The following FLI1 variants were observed in gnomAD, a reference collection of about 807,000 sequenced individuals.
FLI1 encodes Friend leukemia integration 1 transcription factor.
In FLI1, 13 loss-of-function variants were observed where a neutral mutation model predicts 53.1. The ratio of observed to expected loss-of-function variants is 0.24; its 90% CI spans 0.16 to 0.39. FLI1 has a LOEUF of 0.39. Ranked by LOEUF, FLI1 falls within the 10% of genes least tolerant of loss-of-function variation. The pLI is 1.00. For synonymous variants in FLI1, 244 were observed against 236.7 expected (o/e 1.03, Z -0.28); for missense variants, 424 against 600.5 (o/e 0.71, Z 3.07).
chr11:128,693,763 A>G (rs1198158109), upstream of FLI1: 2 of 233,018 alleles, frequency 8.6e-6, no homozygotes, highest in Admixed American at 5.6e-5. Context: ...GCTAGCTCTT[A>G]TCTCCCAGGA....
chr11:128,719,612 A>C (rs1196942969), intron 1 of FLI1, among the ~76,000 whole-genome samples: 2 of 152,136 alleles, frequency 1.3e-5, no homozygotes, highest in Non-Finnish European at 2.9e-5. Flanking sequence ...ACGGAGACTT[A>C]CTGCAAATTT....
At chr11:128,709,118 C>A (rs559326906) in intron 1 of FLI1, among the ~76,000 whole-genome samples, 1 of 152,124 alleles carries the variant, frequency 6.6e-6, no homozygotes, top group Non-Finnish European at 1.5e-5. Context: ...GTGTGGTCTT[C>A]GGTCAGATAA....
chr11:128,770,391 G>A (rs1222761801), intron 3 of FLI1, among the ~76,000 whole-genome samples: 1 of 152,182 alleles, frequency 6.6e-6, no homozygotes, highest in Non-Finnish European at 1.5e-5. Context: ...AGTCTCATTT[G>A]GGCAAGTCCA....
At chr11:128,755,712 T>G (rs1380249539) in intron 1 of FLI1, among the ~76,000 whole-genome samples, 1 of 152,150 alleles carries the variant, frequency 6.6e-6, no homozygotes, top group Non-Finnish European at 1.5e-5. Context: ...GGGCATCTGG[T>G]AGAAAATGAA....
intron 1 of FLI1, among the ~76,000 whole-genome samples, chr11:128,724,968 C>T (rs944997831): frequency 5.3e-5 from 8 of 152,150 alleles, no homozygotes; most frequent in Non-Finnish European, 7.3e-5. Flanking sequence ...GCATAAAAGC[C>T]ACCCAGAATG....
upstream of FLI1, among the ~76,000 whole-genome samples, chr11:128,685,708 C>CAAAA (rs5795633): frequency 2.1e-4 from 12 of 57,618 alleles, 4 homozygotes; most frequent in African/African-American, 2.4e-4. Flanking sequence ...CTTGAGGAGC[C>CAAAA]AAAAAAAAAA....
intron 2 of FLI1, among the ~76,000 whole-genome samples, chr11:128,760,319 C>T (rs888148260): frequency 1.4e-4 from 22 of 152,050 alleles, no homozygotes; most frequent in Admixed American, 3.3e-4. Flanking sequence ...CGAACCCAGG[C>T]GTTTGGTTCC....
At chr11:128,700,545 T>C (rs1001604714) in intron 1 of FLI1, among the ~76,000 whole-genome samples, 14 of 152,276 alleles carry the variant, frequency 9.2e-5, no homozygotes, top group African/African-American at 3.1e-4. Context: ...AAAGACTGAA[T>C]TGAACTAGAC....
intron 3 of FLI1, among the ~76,000 whole-genome samples, chr11:128,769,610 C>G (rs79089197): frequency 0.018 from 2,709 of 152,212 alleles, 42 homozygotes; most frequent in Middle Eastern, 0.048. Flanking sequence ...AAGAGTGAGG[C>G]AGCAGACGGG....
At chr11:128,745,939 T>C (rs1380804327) in intron 1 of FLI1, among the ~76,000 whole-genome samples, 1 of 152,230 alleles carries the variant, frequency 6.6e-6, no homozygotes, top group Non-Finnish European at 1.5e-5. Flanking sequence ...GATAAGATCA[T>C]AGCTTCTAGG....
chr11:128,711,524 G>T (rs1401238725), intron 1 of FLI1, among the ~76,000 whole-genome samples: 2 of 152,112 alleles, frequency 1.3e-5, no homozygotes, highest in East Asian at 3.8e-4. Flanking sequence ...ATCAAATGAG[G>T]GCATTTGGAA....
At chr11:128,754,284 T>A (rs1940776642) in intron 1 of FLI1, among the ~76,000 whole-genome samples, 1 of 149,832 alleles carries the variant, frequency 6.7e-6, no homozygotes. Flanking sequence ...TGTGCACATA[T>A]GCATACCCAA....
At chr11:128,762,539 T>C (rs1941162207) in intron 2 of FLI1, among the ~76,000 whole-genome samples, 1 of 152,268 alleles carries the variant, frequency 6.6e-6, no homozygotes, top group Non-Finnish European at 1.5e-5. Flanking sequence ...ATTGATTATT[T>C]ATTATGCTGA....
intron 1 of FLI1, among the ~76,000 whole-genome samples, chr11:128,734,952 A>G (rs1480837383): frequency 1.3e-5 from 2 of 152,244 alleles, no homozygotes; most frequent in Non-Finnish European, 2.9e-5. Flanking sequence ...CAAAGAATGC[A>G]GCTGAGAAAG....
At chr11:128,760,562 C>G (rs1013502856) in intron 2 of FLI1, among the ~76,000 whole-genome samples, 1 of 125,786 alleles carries the variant, frequency 8.0e-6, no homozygotes, top group Non-Finnish European at 1.6e-5. Context: ...GAGTCTCACT[C>G]TGTTGCCCAG....
chr11:128,767,930 G>A (rs1341629081), intron 2 of FLI1, among the ~76,000 whole-genome samples, 188 bp from the exon 3 acceptor site: 1 of 152,162 alleles, frequency 6.6e-6, no homozygotes, highest in East Asian at 1.9e-4. Flanking sequence ...GATTGGGCTG[G>A]GATTTGAAGA....
chr11:128,782,243 T>G lies in FLI1; in HGVS notation c.655+220T>G, dbSNP rs7933519. 0.19 allele frequency among the ~76,000 whole-genome samples: 28,780 copies of G among 152,164 alleles called. 4,364 individuals are homozygous for G. The highest frequency in any genetic ancestry group is 0.42 in the African/African-American group (17,383 of 41,458). On this transcript the variant is annotated intron_variant, in intron 5 of 8. Transcript: ENST00000527786. ...TGTAATAATATCACAAAGATACAAC[T>G]TGAAGTTGTCACTCCATGCAGGAAA...
intron 1 of FLI1, among the ~76,000 whole-genome samples, chr11:128,719,703 G>A (rs914284768): frequency 1.3e-5 from 2 of 152,154 alleles, no homozygotes; most frequent in Admixed American, 6.5e-5. Flanking sequence ...AGGGCAAGGC[G>A]CTGGGCAGGT....
chr11:128,685,809 C>G (rs1175368118), upstream of FLI1, among the ~76,000 whole-genome samples: 3 of 150,724 alleles, frequency 2.0e-5, no homozygotes, highest in African/African-American at 4.9e-5. Flanking sequence ...TGAGCCGCCA[C>G]GTTAAAGATG....
Sources: gnomAD v4.1 joint callset for allele counts (sites outside exome capture counted in the v4.1 genomes callset) on GRCh38, gnomAD v4.1.1 for gene constraint, MANE v1.5 for transcripts, NCBI Gene and HGNC (gene_info 2026-07-23, HGNC 2026-07-21) for gene names.